HCN1: variants seen among roughly 807,000 people sequenced by gnomAD.
HCN1 encodes the protein potassium/sodium hyperpolarization-activated cyclic nucleotide-gated channel 1.
Under a neutral mutation model 78.9 loss-of-function variants are expected in HCN1, and 13 were observed. The ratio of observed to expected loss-of-function variants is 0.16; its 90% CI spans 0.11 to 0.26. The LOEUF (loss-of-function observed/expected upper bound fraction) is 0.26, where lower values mean the gene tolerates loss of function less well. Among genes scored for constraint, HCN1 ranks in the 10% least tolerant of loss-of-function variants. The probability of loss-of-function intolerance (pLI) is 1.00; values close to 1 mark genes in which losing one functional copy is unlikely to be tolerated. For synonymous variants in HCN1, 552 were observed against 455.5 expected (o/e 1.21, Z -2.70); for missense variants, 810 against 1,154.3 (o/e 0.70, Z 4.32).
chr5:45,542,930 A>G (rs777963193), intron 2 of HCN1, among the ~76,000 whole-genome samples: 2 of 152,152 alleles, frequency 1.3e-5, no homozygotes, highest in Non-Finnish European at 2.9e-5. Flanking sequence ...TAAACACACA[A>G]TAGAAAGATA....
At chr5:45,645,144 T>G (rs1272334064) in intron 2 of HCN1, 41 bp downstream of exon 2, 1 of 1,449,732 alleles carries the variant, frequency 6.9e-7, no homozygotes, top group South Asian at 1.2e-5. Flanking sequence ...TAATTAACAA[T>G]TTCATGATAT....
chr5:45,353,352 A>G, intron 4 of HCN1, 106 bp from the exon 5 acceptor site: 1 of 754,798 alleles, frequency 1.3e-6, no homozygotes, highest in Non-Finnish European at 2.2e-6. Context: ...ACTCAGTTAC[A>G]AAAAAAAAGA....
At chr5:45,519,171 C>T (rs1280322199) in intron 2 of HCN1, among the ~76,000 whole-genome samples, 1 of 151,842 alleles carries the variant, frequency 6.6e-6, no homozygotes, top group Non-Finnish European at 1.5e-5. Context: ...TGAACAACAA[C>T]AACAACAAAA....
At chr5:45,379,368 A>T (rs1158754464) in intron 4 of HCN1, among the ~76,000 whole-genome samples, 1 of 152,002 alleles carries the variant, frequency 6.6e-6, no homozygotes, top group African/African-American at 2.4e-5. Context: ...TTCATTTTTC[A>T]TGGTCTCTGA....
intron 2 of HCN1, among the ~76,000 whole-genome samples, chr5:45,468,248 C>T (rs1741319351): frequency 6.6e-6 from 1 of 152,038 alleles, no homozygotes; most frequent in Non-Finnish European, 1.5e-5. Flanking sequence ...ATATATGTCT[C>T]ATTACATGAC....
Position 45,682,274 on chromosome 5 carries a change from T to TATATATATATATAC in HCN1, c.425+13394_425+13395insGTATATATATATAT, listed in dbSNP as rs1561243541. Among the ~76,000 whole-genome samples, 993 of 105,620 alleles carry TATATATATATATAC rather than the reference T, an allele frequency of 9.4e-3. 22 individuals carry two copies. The highest frequency in any genetic ancestry group is 0.04 in the African/African-American group (905 of 22,556). 69.3% of individuals were successfully genotyped at this position (105,620 alleles called of 152,430 possible). A position where few individuals can be genotyped will look rare whatever the true frequency, so the allele number is the denominator to read the frequency against. ...AAGATATCATATATATATATATACA[T>TATATATATATATAC]ATATATATATATATACACATATATA... On this transcript the variant is annotated intron_variant, in intron 1 of 7. Transcript: ENST00000303230.
chr5:45,484,346 A>G (rs1741716875), intron 2 of HCN1, among the ~76,000 whole-genome samples: 1 of 152,154 alleles, frequency 6.6e-6, no homozygotes, highest in South Asian at 2.1e-4. Context: ...GGGCAGCAGA[A>G]TGGTGTGAAC....
chr5:45,630,992 G>A (rs1047124005), intron 2 of HCN1, among the ~76,000 whole-genome samples: 1 of 152,044 alleles, frequency 6.6e-6, no homozygotes, highest in Non-Finnish European at 1.5e-5. Context: ...TTATAAAAAC[G>A]TAGATCACAT....
intron 2 of HCN1, among the ~76,000 whole-genome samples, chr5:45,601,860 A>C (rs955738108): frequency 4.6e-5 from 7 of 152,040 alleles, no homozygotes; most frequent in African/African-American, 1.7e-4. Flanking sequence ...CTAATCTCCT[A>C]ATATGGTTGG....
intron 4 of HCN1, among the ~76,000 whole-genome samples, chr5:45,363,566 T>C (rs1747168162): frequency 6.6e-6 from 1 of 152,032 alleles, no homozygotes; most frequent in Non-Finnish European, 1.5e-5. Flanking sequence ...TCATTAGATT[T>C]TCCTTTTTCA....
At chr5:45,575,921 A>G (rs1390199188) in intron 2 of HCN1, 1 of 152,132 alleles carries the variant, frequency 6.6e-6, no homozygotes, top group Non-Finnish European at 1.5e-5. Context: ...TTTATGAAGT[A>G]TAGCTGCCAT....
chr5:45,529,095 AG>A (rs1224958121), intron 2 of HCN1, among the ~76,000 whole-genome samples: 3 of 152,018 alleles, frequency 2.0e-5, no homozygotes, highest in African/African-American at 7.2e-5. Flanking sequence ...TGCTTTTTAA[AG>A]TTCTCAAGAT....
intron 4 of HCN1, among the ~76,000 whole-genome samples, chr5:45,355,644 T>A (rs1185153555): frequency 6.6e-6 from 1 of 151,938 alleles, no homozygotes; most frequent in Non-Finnish European, 1.5e-5. Context: ...GAAGAAAATA[T>A]ATACATCATT....
intron 4 of HCN1, among the ~76,000 whole-genome samples, chr5:45,371,014 G>T (rs1332190349): frequency 6.6e-6 from 1 of 151,994 alleles, no homozygotes; most frequent in East Asian, 1.9e-4. Flanking sequence ...AGCTAGAGAA[G>T]GAAGAAAACA....
rs775459159 is a variant in HCN1, at chr5:45,396,697, C to A, written c.1025G>T (p.Gly342Val). The change falls in exon 4 of 8, where the codon GGA (glycine) becomes GTA (valine). Residue 342 changes from glycine to valine, a missense_variant. Transcript: ENST00000303230. ...GAAGAGTGCGTATGAATACTGCTTTCCCCAAGAATCATTCTGCAACATAAG... is the reference window on the plus strand; with the variant it reads ...GAAGAGTGCGTATGAATACTGCTTTACCCAAGAATCATTCTGCAACATAAG... ...SLNEMVNDSW[G>V]KQYSYALFKA... 6.2e-7 allele frequency: 1 copy of A among 1,613,432 alleles called. No homozygotes were observed. Among genetic ancestry groups the A allele is most frequent in the Non-Finnish European group, 8.5e-7 (1 of 1,179,500 alleles).
At chr5:45,693,162 C>T (rs1335760891) in intron 1 of HCN1, among the ~76,000 whole-genome samples, 1 of 152,078 alleles carries the variant, frequency 6.6e-6, no homozygotes, top group Non-Finnish European at 1.5e-5. Context: ...AAAAAACTAC[C>T]GCTAGAATTT....
At chr5:45,288,608 C>A (rs1012360702) in intron 6 of HCN1, among the ~76,000 whole-genome samples, 1 of 151,966 alleles carries the variant, frequency 6.6e-6, no homozygotes, top group Non-Finnish European at 1.5e-5. Context: ...ATCATGCTGC[C>A]TCCTAATCCT....
intron 2 of HCN1, among the ~76,000 whole-genome samples, chr5:45,474,093 C>T (rs942225097): frequency 4.6e-5 from 7 of 151,800 alleles, no homozygotes; most frequent in Non-Finnish European, 1.0e-4. Flanking sequence ...CCACCCTACA[C>T]ATTTTAGTTG....
At chr5:45,333,292 A>G (rs1453720167) in intron 5 of HCN1, among the ~76,000 whole-genome samples, 1 of 151,762 alleles carries the variant, frequency 6.6e-6, no homozygotes, top group African/African-American at 2.4e-5. Flanking sequence ...TCTTCTTCTG[A>G]GAAATGTCTA....
Sources: allele counts gnomAD v4.1 joint callset (sites outside exome capture counted in the v4.1 genomes callset), GRCh38; gene constraint gnomAD v4.1.1; transcripts MANE v1.5; gene names NCBI Gene and HGNC (gene_info 2026-07-23, HGNC 2026-07-21).